ADAM29: variants seen among roughly 807,000 people sequenced by gnomAD.
The protein encoded by ADAM29 is ADAM metallopeptidase domain 29, also known as disintegrin and metalloproteinase domain-containing protein 29.
For missense variants in ADAM29, 969 were observed against 1,001.8 expected (o/e 0.97, Z 0.44); for synonymous variants, 367 against 342.3 (o/e 1.07, Z -0.80).
chr4:174,923,490 C>A (rs1313469278), intron 2 of ADAM29, among the ~76,000 whole-genome samples: 1 of 142,802 alleles, frequency 7.0e-6, no homozygotes, highest in African/African-American at 2.6e-5. Flanking sequence ...CCAGCTCCTA[C>A]CTGTGCATCA....
Position 174,976,818 on chromosome 4 carries a change from G to T in ADAM29, c.1293G>T (p.Leu431=). 6.2e-7 allele frequency: 1 copy of T among 1,614,170 alleles called. No homozygotes were observed. The highest frequency in any genetic ancestry group is 8.5e-7 in the Non-Finnish European group (1 of 1,180,024). ...KDPCCLSNCT[L]TDGSTCAFGL... is the part of the protein sequence containing the mutation. ...CCTGCTGTCTGTCAAATTGCACTCT[G>T]ACTGATGGTTCTACTTGTGCTTTTG... The change falls in exon 5 of 5, where the codon CTG becomes CTT. Residue 431 remains leucine, a synonymous_variant. Coordinates refer to ENST00000359240, the MANE Select transcript of ADAM29 (RefSeq NM_014269.4).
chr4:174,962,548 C>T (rs900836869), intron 4 of ADAM29, among the ~76,000 whole-genome samples: 2 of 150,366 alleles, frequency 1.3e-5, no homozygotes, highest in African/African-American at 4.9e-5. Context: ...AGTAGGAGTA[C>T]TTTCAAGACA....
chr4:174,944,348 G>A (rs1044597386), intron 4 of ADAM29, among the ~76,000 whole-genome samples: 1 of 152,018 alleles, frequency 6.6e-6, no homozygotes, highest in African/African-American at 2.4e-5. Flanking sequence ...AAATTAAATT[G>A]TTTTTGTAAA....
At chr4:174,954,683 C>T (rs1245855146) in intron 4 of ADAM29, among the ~76,000 whole-genome samples, 5 of 152,222 alleles carry the variant, frequency 3.3e-5, no homozygotes, top group Non-Finnish European at 5.9e-5. Flanking sequence ...CATCTCTGTT[C>T]CAGGCTTAGT....
rs1314834489 is a variant in ADAM29 at position 174,976,735 on chromosome 4, G to A, written c.1210G>A (p.Val404Ile). ...TAATGTGAAGCGCTGTGGGAATGGT[G>A]TTGTTGAAGAAGGAGAAGAGTGTGA... is the stretch of plus-strand genomic sequence containing the variant. ...IFNVKRCGNG[V>I]VEEGEECDCG... The change falls in exon 5 of 5, where the codon GTT becomes ATT. Residue 404 changes from valine to isoleucine, a missense_variant. By Grantham distance (29) the Val-to-Ile change is conservative. Coordinates refer to ENST00000359240, the MANE Select transcript of ADAM29 (RefSeq NM_014269.4). The A allele has an allele frequency of 6.2e-7, 1 of 1,613,974 alleles. No homozygotes were observed. Among genetic ancestry groups the A allele is most frequent in the Admixed American group, 1.7e-5 (1 of 60,030 alleles).
intron 4 of ADAM29, among the ~76,000 whole-genome samples, chr4:174,951,973 A>G (rs1041615520): frequency 6.6e-6 from 1 of 152,162 alleles, no homozygotes; most frequent in African/African-American, 2.4e-5. Flanking sequence ...AATTAATAAC[A>G]ATATATTGTA....
chr4:174,932,060 A>G (rs1184355783), intron 3 of ADAM29, among the ~76,000 whole-genome samples: 2 of 152,118 alleles, frequency 1.3e-5, no homozygotes, highest in Non-Finnish European at 2.9e-5. Flanking sequence ...AGGGCAAGGC[A>G]GGTAGATCAC....
chr4:174,923,523 A>ATG (rs879750030), intron 2 of ADAM29, among the ~76,000 whole-genome samples: 42,055 of 89,478 alleles, frequency 0.47, 7,825 homozygotes, highest in East Asian at 0.72. Context: ...TGTGCATTAT[A>ATG]TGTATATATA....
chr4:174,926,131 A>G (rs1743504143), intron 2 of ADAM29, among the ~76,000 whole-genome samples: 1 of 152,246 alleles, frequency 6.6e-6, no homozygotes, highest in Non-Finnish European at 1.5e-5. Flanking sequence ...ACAATTATGT[A>G]TTGAATAAGA....
chr4:174,961,442 T>C (rs1261184048), intron 4 of ADAM29, among the ~76,000 whole-genome samples: 1 of 151,980 alleles, frequency 6.6e-6, no homozygotes, highest in Non-Finnish European at 1.5e-5. Context: ...GAAGTAAGTC[T>C]AAAATTATAA....
At chr4:174,940,001 C>T (rs1744436994) in intron 4 of ADAM29, among the ~76,000 whole-genome samples, 1 of 151,916 alleles carries the variant, frequency 6.6e-6, no homozygotes, top group African/African-American at 2.4e-5. Flanking sequence ...TTTCTCCATC[C>T]TTTCTTTCTT....
chr4:174,947,675 T>G (rs1744932005), intron 4 of ADAM29, among the ~76,000 whole-genome samples: 1 of 152,200 alleles, frequency 6.6e-6, no homozygotes, highest in South Asian at 2.1e-4. Flanking sequence ...TGGTCAATAT[T>G]AGAGTGTGTG....
At chr4:174,921,860 A>C (rs1310820777) in intron 2 of ADAM29, among the ~76,000 whole-genome samples, 1 of 152,146 alleles carries the variant, frequency 6.6e-6, no homozygotes, top group Non-Finnish European at 1.5e-5. Context: ...CTTCCAAGCT[A>C]TAGGTAAATT....
intron 4 of ADAM29, among the ~76,000 whole-genome samples, chr4:174,952,396 T>C (rs1326414439): frequency 6.6e-6 from 1 of 151,386 alleles, no homozygotes; most frequent in Non-Finnish European, 1.5e-5. Flanking sequence ...ATTACAGCAG[T>C]TTAAAATGGG....
intron 4 of ADAM29, among the ~76,000 whole-genome samples, chr4:174,973,583 C>T (rs1746587489): frequency 6.6e-6 from 1 of 152,192 alleles, no homozygotes; most frequent in African/African-American, 2.4e-5. Context: ...CCTATTTAAA[C>T]TTTCTATTTT....
chr4:174,942,611 G>A (rs1018186331), intron 4 of ADAM29, among the ~76,000 whole-genome samples: 9 of 152,266 alleles, frequency 5.9e-5, no homozygotes, highest in African/African-American at 1.9e-4. Context: ...AGGCTTCACA[G>A]AGCAGTTGGG....
intron 4 of ADAM29, among the ~76,000 whole-genome samples, chr4:174,953,672 C>T (rs973792570): frequency 6.6e-6 from 1 of 152,082 alleles, no homozygotes; most frequent in Non-Finnish European, 1.5e-5. Context: ...TAAAGTTTAT[C>T]TGCAGGAAAA....
chr4:174,957,520 C>A (rs908826041), intron 4 of ADAM29, among the ~76,000 whole-genome samples: 2 of 151,862 alleles, frequency 1.3e-5, no homozygotes, highest in African/African-American at 4.8e-5. Context: ...TTAGTTGTTG[C>A]ACCAGTTTCT....
chr4:174,974,880 G>T (rs1411581900), intron 4 of ADAM29, among the ~76,000 whole-genome samples: 2 of 152,072 alleles, frequency 1.3e-5, no homozygotes, highest in Non-Finnish European at 1.5e-5. Context: ...CATAAGAATG[G>T]TTTTTAAAAA....
Sources: allele counts gnomAD v4.1 joint callset (sites outside exome capture counted in the v4.1 genomes callset), GRCh38; gene constraint gnomAD v4.1.1; transcripts MANE v1.5; gene names NCBI Gene and HGNC (gene_info 2026-07-23, HGNC 2026-07-21).